The following FCHSD2 variants were observed in gnomAD, a reference collection of about 807,000 sequenced individuals.
The protein encoded by FCHSD2 is FCH and double SH3 domains 2, also known as F-BAR and double SH3 domains protein 2.
In FCHSD2, 38 loss-of-function variants were observed where a neutral mutation model predicts 108.1. That is an observed-to-expected ratio of 0.35 (90% CI 0.27 to 0.46). The LOEUF is 0.46. Ranked by LOEUF, FCHSD2 falls within the 20% of genes least tolerant of loss-of-function variation. The probability of loss-of-function intolerance (pLI) is 1.00; values close to 1 mark genes in which losing one functional copy is unlikely to be tolerated. For synonymous variants in FCHSD2, 279 were observed against 314.7 expected, an observed-to-expected ratio of 0.89 and a Z score of 1.20; for missense variants, 751 against 897.8, an observed-to-expected ratio of 0.84 and a Z score of 2.09.
At chr11:73,035,451 G>A (rs1555077892) in intron 3 of FCHSD2, among the ~76,000 whole-genome samples, 2 of 152,038 alleles carry the variant, frequency 1.3e-5, no homozygotes, top group Admixed American at 6.6e-5. Context: ...TTACAGGCAT[G>A]AGCCACTGCG....
At chr11:73,034,185 T>C (rs1374741988) in intron 3 of FCHSD2, among the ~76,000 whole-genome samples, 2 of 152,326 alleles carry the variant, frequency 1.3e-5, no homozygotes, top group East Asian at 1.9e-4. Flanking sequence ...CATCCACCCA[T>C]CATCTAGGTT....
At chr11:72,868,715 A>C (rs1459141020) in intron 12 of FCHSD2, among the ~76,000 whole-genome samples, 2 of 151,626 alleles carry the variant, frequency 1.3e-5, no homozygotes, top group East Asian at 3.9e-4. Context: ...ACAAACAAAC[A>C]AACAAACCAA....
At chr11:73,132,106 A>G (rs1237128299) in intron 2 of FCHSD2, among the ~76,000 whole-genome samples, 2 of 152,244 alleles carry the variant, frequency 1.3e-5, no homozygotes, top group Non-Finnish European at 1.5e-5. Flanking sequence ...AGTTCTATGC[A>G]TGAAGAGGCA....
At chr11:73,084,819 T>G (rs578209399) in intron 2 of FCHSD2, among the ~76,000 whole-genome samples, 25 of 152,346 alleles carry the variant, frequency 1.6e-4, no homozygotes, top group African/African-American at 5.1e-4. Context: ...ATAGGCATTG[T>G]AGAGTCAACA....
At chr11:73,024,270 G>A (rs1479280569) in intron 3 of FCHSD2, among the ~76,000 whole-genome samples, 1 of 152,132 alleles carries the variant, frequency 6.6e-6, no homozygotes, top group East Asian at 1.9e-4. Flanking sequence ...TGGGTATGGG[G>A]AATGAAGGGG....
At chr11:73,073,535 C>T (rs1023961953) in intron 3 of FCHSD2, among the ~76,000 whole-genome samples, 3 of 152,176 alleles carry the variant, frequency 2.0e-5, no homozygotes, top group African/African-American at 7.2e-5. Flanking sequence ...AAATTGCTGT[C>T]ATACGATCAA....
At chr11:73,048,544 G>A (rs1434262974) in intron 3 of FCHSD2, among the ~76,000 whole-genome samples, 1 of 152,216 alleles carries the variant, frequency 6.6e-6, no homozygotes, top group Non-Finnish European at 1.5e-5. Context: ...TCAGGTTGCA[G>A]GGTCAAGTTC....
chr11:72,944,869 A>C (rs532605809), intron 8 of FCHSD2, among the ~76,000 whole-genome samples: 16 of 152,288 alleles, frequency 1.1e-4, no homozygotes, highest in Non-Finnish European at 2.4e-4. Flanking sequence ...CTTCAAGGAG[A>C]ACTACAAACC....
intron 8 of FCHSD2, among the ~76,000 whole-genome samples, chr11:72,968,344 AG>A (rs1160233142): frequency 2.0e-5 from 3 of 152,194 alleles, no homozygotes; most frequent in Non-Finnish European, 2.9e-5. Flanking sequence ...TCTGTTTCCT[AG>A]AAAATACCTT....
chr11:72,841,366 C>CAA, intron 18 of FCHSD2, 88 bp downstream of exon 18: 1 of 605,722 alleles, frequency 1.7e-6, no homozygotes, highest in Non-Finnish European at 2.4e-6. Flanking sequence ...AAAAAAAAAG[C>CAA]AAATGCAGTT....
In FCHSD2 at chr11:73,056,232, T is replaced by C. The variant is rs1381315637; in HGVS notation, c.165+27463A>G. ...GACATGTCTTCTGGGTAAACTGAAATTGAGTTTCTGGGCTTACGAGCCAAG... is the reference window on the plus strand; with the variant it reads ...GACATGTCTTCTGGGTAAACTGAAACTGAGTTTCTGGGCTTACGAGCCAAG... On this transcript the variant is annotated intron_variant, in intron 3 of 19. Coordinates refer to ENST00000409418, the MANE Select transcript of FCHSD2 (RefSeq NM_014824.3). 3.9e-5 allele frequency among the ~76,000 whole-genome samples: 6 copies of C among 152,110 alleles called. No homozygotes were observed. The East Asian group carries it at 9.6e-4, about 24-fold the overall frequency.
chr11:72,916,627 TTTTA>T (rs1250669038), intron 9 of FCHSD2, among the ~76,000 whole-genome samples: 2 of 152,228 alleles, frequency 1.3e-5, no homozygotes, highest in African/African-American at 4.8e-5. Flanking sequence ...CTTTGTTCAC[TTTTA>T]TATTGGGTTG....
intron 2 of FCHSD2, among the ~76,000 whole-genome samples, chr11:73,132,243 G>A (rs1327945861): frequency 2.0e-5 from 3 of 152,176 alleles, no homozygotes; most frequent in Admixed American, 6.5e-5. Context: ...CCTTGAATAA[G>A]ACAACATTCT....
chr11:72,881,492 G>T (rs1377726634), intron 12 of FCHSD2, among the ~76,000 whole-genome samples: 1 of 152,182 alleles, frequency 6.6e-6, no homozygotes, highest in African/African-American at 2.4e-5. Flanking sequence ...TTTCTCAAAA[G>T]ACTAAAAATA....
At chr11:72,859,096 G>C (rs1861505431) in intron 13 of FCHSD2, among the ~76,000 whole-genome samples, 1 of 152,216 alleles carries the variant, frequency 6.6e-6, no homozygotes. Flanking sequence ...AAAGTGGAGA[G>C]AGCTCAGGAT....
intron 3 of FCHSD2, among the ~76,000 whole-genome samples, chr11:73,070,418 TTTTTTA>T (rs1435185397): frequency 1.3e-5 from 2 of 152,034 alleles, no homozygotes; most frequent in East Asian, 1.9e-4. Context: ...AATGTCAGGG[TTTTTTA>T]TTTTTATTTT....
At chr11:72,961,756 G>A (rs2135373480) in intron 8 of FCHSD2, among the ~76,000 whole-genome samples, 1 of 152,270 alleles carries the variant, frequency 6.6e-6, no homozygotes, top group South Asian at 2.1e-4. Flanking sequence ...CACATGTCAA[G>A]AGAATCATCA....
chr11:72,965,938 A>G lies in FCHSD2; in HGVS notation c.705+18150T>C, dbSNP rs1028937898. Reference sequence around the variant, plus strand: ...ATGAACTACAGTTCTATGTATCAATATAGATACAATCTCAAAAATATAAAC... The same window carrying G: ...ATGAACTACAGTTCTATGTATCAATGTAGATACAATCTCAAAAATATAAAC... On this transcript the variant is annotated intron_variant, in intron 8 of 19. Coordinates refer to ENST00000409418, the MANE Select transcript of FCHSD2 (RefSeq NM_014824.3). Among the ~76,000 whole-genome samples, 11 of 152,352 alleles carry G rather than the reference A, an allele frequency of 7.2e-5. No homozygotes were observed. The South Asian group carries it at 2.1e-3, about 29-fold the overall frequency.
intron 2 of FCHSD2, among the ~76,000 whole-genome samples, chr11:73,131,497 C>G (rs1004719229): frequency 2.7e-4 from 41 of 152,098 alleles, no homozygotes; most frequent in African/African-American, 9.4e-4. Flanking sequence ...CCACTGCACT[C>G]CAGCCTGGGT....
Sources: allele counts gnomAD v4.1 joint callset (sites outside exome capture counted in the v4.1 genomes callset), GRCh38; gene constraint gnomAD v4.1.1; transcripts MANE v1.5; gene names NCBI Gene and HGNC (gene_info 2026-07-23, HGNC 2026-07-21).